Variants in EYA2 observed in about 807,000 individuals in gnomAD.
EYA2 encodes the protein EYA transcriptional coactivator and phosphatase 2.
A neutral mutation model predicts 69.2 loss-of-function variants in EYA2; 31 were observed. The observed-to-expected ratio is 0.45, with a 90% CI of 0.34 to 0.60. The LOEUF is 0.60. Among genes scored for constraint, EYA2 ranks in the 20% least tolerant of loss-of-function variants. EYA2 has a pLI of 0.02. For synonymous variants in EYA2, 257 were observed against 279.4 expected (o/e 0.92, Z 0.80); for missense variants, 622 against 701.2 (o/e 0.89, Z 1.28).
intron 10 of EYA2, among the ~76,000 whole-genome samples, chr20:47,167,308 G>T (rs573630053): frequency 1.4e-4 from 16 of 115,786 alleles, no homozygotes; most frequent in Non-Finnish European, 2.2e-4. Flanking sequence ...TTGAGACAGA[G>T]TCTCGCTCTG....
At chr20:47,186,570 G>C (rs575377078) in intron 15 of EYA2, among the ~76,000 whole-genome samples, 149 of 151,908 alleles carry the variant, frequency 9.8e-4, no homozygotes, top group African/African-American at 3.5e-3. Flanking sequence ...TGTTGGCCAG[G>C]CTGGTCTCAA....
chr20:47,183,305 T>C lies in EYA2; in HGVS notation c.1450T>C (p.Phe484Leu), dbSNP rs1414811398. Reference sequence around the variant, plus strand: ...TGTGCGTGCAGGGAAGGAGAGCTGCTTCGAGAGGATAATGCAGAGATTCGG... The same window carrying C: ...TGTGCGTGCAGGGAAGGAGAGCTGCCTCGAGAGGATAATGCAGAGATTCGG... ...SATKTGKESC[F>L]ERIMQRFGRK... The change falls in exon 15 of 16, where the codon TTC becomes CTC. Residue 484 changes from phenylalanine to leucine, a missense_variant. Around this residue, in one of 2 missense-constraint regions of EYA2, gnomAD observed 257 missense variants for 351.5 expected, o/e 0.73. Coordinates refer to ENST00000327619, the MANE Select transcript of EYA2 (RefSeq NM_005244.5). The C allele has an allele frequency of 6.2e-7, 1 of 1,613,980 alleles. No individual in the cohort carries two copies. The highest frequency in any genetic ancestry group is 1.3e-5 in the African/African-American group (1 of 74,906).
chr20:47,107,712 GGAAGAA>G lies in EYA2; in HGVS notation c.888+10557_888+10562del, dbSNP rs368721999. On this transcript the variant is annotated intron_variant, in intron 9 of 15. Coordinates refer to ENST00000327619, the MANE Select transcript of EYA2 (RefSeq NM_005244.5). ...AGAAAGAAAAAACAAAAGAGAAGAA[GGAAGAA>G]GAAGAAGAAGAAAAGAAAAAGAAGA... is the stretch of plus-strand genomic sequence containing the variant. 5.3e-4 allele frequency among the ~76,000 whole-genome samples: 75 copies of G among 141,378 alleles called. 1 individual carries two copies. The highest frequency in any genetic ancestry group is 3.4e-3 in the Admixed American group (47 of 13,724). The allele number at this position is 141,378 out of a possible 152,430, so 92.7% of individuals were successfully genotyped here. A position where few individuals can be genotyped will look rare whatever the true frequency, so the allele number is the denominator to read the frequency against.
chr20:47,058,174 G>A (rs1265467469), intron 5 of EYA2, among the ~76,000 whole-genome samples: 1 of 152,220 alleles, frequency 6.6e-6, no homozygotes, highest in African/African-American at 2.4e-5. Flanking sequence ...AGGAAATCCA[G>A]AAGACAACAA....
chr20:47,172,688 T>C lies in EYA2; in HGVS notation c.1038-19T>C, dbSNP rs1416149490. 1 of 1,595,486 alleles carries C rather than the reference T, an allele frequency of 6.3e-7. No individual in the cohort carries two copies. The highest frequency in any genetic ancestry group is 8.5e-7 in the Non-Finnish European group (1 of 1,170,440). ...CACCCCCCTGCACTAACACTGTCCC[T>C]CCCCTCCTCTCTCCGCAGCACATAC... On this transcript the variant is annotated intron_variant, in intron 11 of 15. Transcript: ENST00000327619.
chr20:47,088,479 C>G (rs1390658722), intron 7 of EYA2, among the ~76,000 whole-genome samples: 3 of 152,158 alleles, frequency 2.0e-5, no homozygotes, highest in Admixed American at 6.5e-5. Flanking sequence ...ATCATTACAG[C>G]ATCCAGTGGC....
chr20:46,921,046 G>A (rs995184316), intron 1 of EYA2, among the ~76,000 whole-genome samples: 26 of 152,304 alleles, frequency 1.7e-4, no homozygotes, highest in South Asian at 2.1e-4. Flanking sequence ...TTGACCCTGC[G>A]GTCTCTTCTT....
At chr20:47,017,032 C>A (rs1479635572) in intron 5 of EYA2, among the ~76,000 whole-genome samples, 2 of 152,100 alleles carry the variant, frequency 1.3e-5, no homozygotes, top group African/African-American at 4.8e-5. Flanking sequence ...TAGAGGGTGG[C>A]CTTAAGGAAG....
intron 5 of EYA2, among the ~76,000 whole-genome samples, chr20:47,065,282 C>G (rs1211363080): frequency 6.6e-6 from 1 of 152,210 alleles, no homozygotes; most frequent in Non-Finnish European, 1.5e-5. Context: ...CAGTGCTTCT[C>G]ATTCTCACTG....
At chr20:46,989,252 G>T (rs1171158913) in intron 1 of EYA2, among the ~76,000 whole-genome samples, 1 of 151,894 alleles carries the variant, frequency 6.6e-6, no homozygotes, top group African/African-American at 2.4e-5. Context: ...GCTTTTCTCC[G>T]TCCATGCAAG....
At chr20:47,058,133 A>G (rs967793946) in intron 5 of EYA2, among the ~76,000 whole-genome samples, 2 of 152,092 alleles carry the variant, frequency 1.3e-5, no homozygotes, top group African/African-American at 4.8e-5. Context: ...GAAGGTTTGC[A>G]TGGTAACTGT....
At chr20:47,058,933 A>G (rs562803289) in intron 5 of EYA2, among the ~76,000 whole-genome samples, 1 of 152,352 alleles carries the variant, frequency 6.6e-6, no homozygotes, top group Non-Finnish European at 1.5e-5. Flanking sequence ...CAGAAACCCC[A>G]CAAAACAATA....
chr20:46,896,132 A>G (rs1445195578), intron 1 of EYA2, among the ~76,000 whole-genome samples: 2 of 152,210 alleles, frequency 1.3e-5, no homozygotes, highest in Admixed American at 6.5e-5. Flanking sequence ...ATTGGAATCT[A>G]GCTGTTAGCG....
chr20:47,011,082 C>A (rs999320339), intron 4 of EYA2, among the ~76,000 whole-genome samples: 3 of 152,092 alleles, frequency 2.0e-5, no homozygotes, highest in Non-Finnish European at 2.9e-5. Flanking sequence ...AGCCACCATG[C>A]CTGGCCTGAT....
intron 10 of EYA2, among the ~76,000 whole-genome samples, chr20:47,163,750 G>C (rs1394536184): frequency 6.6e-6 from 1 of 150,782 alleles, no homozygotes; most frequent in Non-Finnish European, 1.5e-5. Flanking sequence ...GCACTGCTGG[G>C]TAGGATTCCA....
intron 1 of EYA2, among the ~76,000 whole-genome samples, chr20:46,895,556 A>G (rs1272859865): frequency 6.6e-6 from 1 of 152,224 alleles, no homozygotes; most frequent in Non-Finnish European, 1.5e-5. Flanking sequence ...TGGGGCTTTG[A>G]ACCGGGGCAG....
At chr20:47,038,338 A>G (rs1317185859) in intron 5 of EYA2, among the ~76,000 whole-genome samples, 1 of 152,116 alleles carries the variant, frequency 6.6e-6, no homozygotes, top group Non-Finnish European at 1.5e-5. Flanking sequence ...CGTCTCTACA[A>G]AAATTAGCCA....
At chr20:47,050,911 TG>T (rs1410569744) in intron 5 of EYA2, among the ~76,000 whole-genome samples, 1 of 152,242 alleles carries the variant, frequency 6.6e-6, no homozygotes, top group East Asian at 1.9e-4. Flanking sequence ...CTTGCCCCGC[TG>T]GGACAGACAG....
At chr20:47,043,353 C>G (rs989158075) in intron 5 of EYA2, among the ~76,000 whole-genome samples, 1 of 152,116 alleles carries the variant, frequency 6.6e-6, no homozygotes, top group Non-Finnish European at 1.5e-5. Context: ...GAGAGGCCAA[C>G]ATTCAGGCTG....
Sources: gnomAD v4.1 joint callset for allele counts (sites outside exome capture counted in the v4.1 genomes callset) on GRCh38, gnomAD v4.1.1 for gene constraint, gnomAD v4.1.1 regional missense constraint, MANE v1.5 for transcripts, NCBI Gene and HGNC (gene_info 2026-07-23, HGNC 2026-07-21) for gene names.